Variants in MBD5 observed in about 807,000 individuals in gnomAD.
The protein encoded by MBD5 is methyl-CpG-binding domain protein 5.
MBD5 carries 13 observed loss-of-function variants against 117.3 expected under a neutral mutation model. That is an observed-to-expected ratio of 0.11 (90% CI 0.07 to 0.18). The LOEUF (loss-of-function observed/expected upper bound fraction) is 0.18. Ranked by LOEUF, MBD5 falls within the 10% of genes least tolerant of loss-of-function variation. The pLI, the probability that MBD5 is intolerant of heterozygous loss-of-function variation, is 1.00. For synonymous variants in MBD5, 727 were observed against 766.4 expected (o/e 0.95, Z 0.85); for missense variants, 1,879 against 2,093.8 (o/e 0.90, Z 2.00).
At chr2:148,427,651 A>T (rs181348600) in intron 4 of MBD5, among the ~76,000 whole-genome samples, 187 of 150,814 alleles carry the variant, frequency 1.2e-3, no homozygotes, top group Admixed American at 1.8e-3. Flanking sequence ...GGATGGGGGC[A>T]GGGGGGAGGG....
intron 1 of MBD5, among the ~76,000 whole-genome samples, chr2:148,176,876 CA>C (rs145136050): frequency 0.43 from 51,557 of 119,208 alleles, 9,443 homozygotes; most frequent in South Asian, 0.54. Context: ...AACTTAAGGA[CA>C]AAAAAAAAAA....
intron 4 of MBD5, among the ~76,000 whole-genome samples, chr2:148,377,003 T>TAA (rs1256849628): frequency 6.9e-6 from 1 of 144,838 alleles, no homozygotes; most frequent in Admixed American, 6.9e-5. Context: ...AGAGAGAGGA[T>TAA]ATATATATAT....
intron 1 of MBD5, among the ~76,000 whole-genome samples, chr2:148,050,777 A>G (rs1251598867): frequency 1.3e-5 from 2 of 152,124 alleles, no homozygotes; most frequent in East Asian, 1.9e-4. Context: ...CTCTCCTTAT[A>G]TCAATACTAC....
chr2:148,087,462 A>C (rs1200580709), intron 1 of MBD5, among the ~76,000 whole-genome samples: 4 of 152,160 alleles, frequency 2.6e-5, no homozygotes, highest in African/African-American at 9.7e-5. Context: ...TACAGAGTCT[A>C]CTTCACTCCC....
intron 4 of MBD5, among the ~76,000 whole-genome samples, chr2:148,363,800 A>T (rs1002469468): frequency 6.6e-6 from 1 of 152,208 alleles, no homozygotes; most frequent in Non-Finnish European, 1.5e-5. Context: ...TAGAGAAAAA[A>T]GAATGAAAAG....
At chr2:148,186,011 C>T (rs563367152) in intron 2 of MBD5, among the ~76,000 whole-genome samples, 1 of 152,246 alleles carries the variant, frequency 6.6e-6, no homozygotes, top group Non-Finnish European at 1.5e-5. Flanking sequence ...ATTTCTTTAC[C>T]TCTATAACAC....
chr2:148,225,041 T>C (rs1050073166), intron 2 of MBD5, among the ~76,000 whole-genome samples: 21 of 152,182 alleles, frequency 1.4e-4, no homozygotes, highest in African/African-American at 5.1e-4. Flanking sequence ...TGTCTTTTGA[T>C]TGGAGAGGTT....
At chr2:148,271,609 T>A (rs960134405) in intron 3 of MBD5, among the ~76,000 whole-genome samples, 4 of 152,208 alleles carry the variant, frequency 2.6e-5, no homozygotes, top group African/African-American at 9.6e-5. Context: ...ATATAATAAA[T>A]TTTTCTCTAA....
chr2:148,446,865 A>G (rs942781955), intron 4 of MBD5, among the ~76,000 whole-genome samples: 1 of 152,068 alleles, frequency 6.6e-6, no homozygotes, highest in Admixed American at 6.6e-5. Context: ...TAAGATCTCA[A>G]GTATACCTTT....
intron 3 of MBD5, among the ~76,000 whole-genome samples, chr2:148,281,799 T>C (rs1040952079): frequency 6.6e-6 from 1 of 152,180 alleles, no homozygotes; most frequent in Non-Finnish European, 1.5e-5. Flanking sequence ...TTTTATATAA[T>C]GGTTTATCCC....
intron 11 of MBD5, among the ~76,000 whole-genome samples, chr2:148,499,471 G>A (rs998686539): frequency 6.6e-6 from 1 of 152,204 alleles, no homozygotes; most frequent in Non-Finnish European, 1.5e-5. Flanking sequence ...TGTGTGGGTA[G>A]ATGATGAGTA....
At chr2:148,283,862 T>C (rs527796050) in intron 3 of MBD5, among the ~76,000 whole-genome samples, 1 of 152,326 alleles carries the variant, frequency 6.6e-6, no homozygotes, top group Admixed American at 6.5e-5. Context: ...CTTTCTTAAC[T>C]ATCTTCCTAA....
At chr2:148,345,600 C>CATACATATGTATATACACGTATACAT (rs1559033448) in intron 4 of MBD5, among the ~76,000 whole-genome samples, 5 of 58,408 alleles carry the variant, frequency 8.6e-5, no homozygotes, top group African/African-American at 3.7e-4. Context: ...CACGTATACA[C>CATACATATGTATATACACGTATACAT]ATACATATGT....
At chr2:148,184,939 A>G (rs759954058) in intron 2 of MBD5, among the ~76,000 whole-genome samples, 3 of 152,198 alleles carry the variant, frequency 2.0e-5, no homozygotes, top group Non-Finnish European at 4.4e-5. Context: ...ACAGCAGCCA[A>G]AGCTATTTAT....
At chr2:148,100,072 C>A (rs537137421) in intron 1 of MBD5, among the ~76,000 whole-genome samples, 3 of 152,164 alleles carry the variant, frequency 2.0e-5, no homozygotes, top group African/African-American at 7.2e-5. Context: ...AAATCCATCC[C>A]TTAGAAGTCA....
intron 4 of MBD5, among the ~76,000 whole-genome samples, chr2:148,342,722 C>A (rs117322697): frequency 1.8e-4 from 28 of 151,946 alleles, no homozygotes; most frequent in Non-Finnish European, 3.7e-4. Flanking sequence ...TGCTCTGCTT[C>A]TTTTACTTAG....
chr2:148,038,840 AT>A (rs1474935273), intron 1 of MBD5, among the ~76,000 whole-genome samples: 1 of 151,960 alleles, frequency 6.6e-6, no homozygotes, highest in African/African-American at 2.4e-5. Context: ...GAAGGGTTTG[AT>A]TTTTGTTTCA....
intron 4 of MBD5, among the ~76,000 whole-genome samples, chr2:148,375,552 G>C (rs886518802): frequency 6.6e-6 from 1 of 152,142 alleles, no homozygotes; most frequent in African/African-American, 2.4e-5. Context: ...ATCATATTCT[G>C]TGGATTACAT....
intron 4 of MBD5, among the ~76,000 whole-genome samples, chr2:148,367,929 A>G (rs1421312059): frequency 2.0e-5 from 3 of 152,188 alleles, no homozygotes; most frequent in Non-Finnish European, 4.4e-5. Context: ...CGATTCCTCA[A>G]GGATCTAAAC....
Sources: allele counts gnomAD v4.1 joint callset (sites outside exome capture counted in the v4.1 genomes callset), GRCh38; gene constraint gnomAD v4.1.1; transcripts MANE v1.5; gene names NCBI Gene and HGNC (gene_info 2026-07-23, HGNC 2026-07-21).